The following RAI14 variants were observed in gnomAD, a reference collection of about 807,000 sequenced individuals.
The protein encoded by RAI14 is ankycorbin.
RAI14 carries 45 observed loss-of-function variants against 115.4 expected under a neutral mutation model. The ratio of observed to expected loss-of-function variants is 0.39; its 90% CI spans 0.31 to 0.50. The LOEUF (loss-of-function observed/expected upper bound fraction) is 0.50. Among genes scored for constraint, RAI14 ranks in the 20% least tolerant of loss-of-function variants. RAI14 has a pLI of 0.85. For missense variants in RAI14, 939 were observed against 1,131.2 expected (o/e 0.83, Z 2.44); for synonymous variants, 371 against 415.4 (o/e 0.89, Z 1.30).
At chr5:34,824,623 T>A in intron 15 of RAI14, 132 bp downstream of exon 15, 1 of 741,052 alleles carries the variant, frequency 1.3e-6, no homozygotes, top group Non-Finnish European at 2.0e-6. Context: ...ATGAACTTTA[T>A]CTGTCACCAA....
chr5:34,790,749 T>A (rs1290108910), intron 3 of RAI14, among the ~76,000 whole-genome samples: 1 of 142,252 alleles, frequency 7.0e-6, no homozygotes, highest in South Asian at 2.1e-4. Context: ...TATATGGGTG[T>A]GTGTGTGTGT....
At position 34,830,911 on chromosome 5, in the gene RAI14, T is replaced by C. The variant is rs1343710713; in HGVS notation, c.*146T>C. ...TCCCTTTCCAAAGGTTTCTGAGGAC[T>C]TCTCCCAGGAGAAGACTGCCCGCCT... On this transcript the variant is annotated 3_prime_UTR_variant, in exon 18 of 18. Transcript: ENST00000265109. 2 of 1,424,090 alleles carry C rather than the reference T, an allele frequency of 1.4e-6. No individual in the cohort carries two copies. Among genetic ancestry groups the C allele is most frequent in the African/African-American group, 1.4e-5 (1 of 69,602 alleles). 88.2% of individuals were successfully genotyped at this position (1,424,090 alleles called of 1,614,324 possible).
chr5:34,738,389 A>G (rs189799682), intron 2 of RAI14, among the ~76,000 whole-genome samples: 1 of 152,346 alleles, frequency 6.6e-6, no homozygotes, highest in East Asian at 1.9e-4. Context: ...CTGTCACCCA[A>G]GGAATATGTG....
At chr5:34,803,423 T>C (rs338269) in intron 4 of RAI14, among the ~76,000 whole-genome samples, 138,156 of 152,110 alleles carry the variant, frequency 0.91, 63,521 homozygotes, top group Non-Finnish European at 0.99. Context: ...TGTCATGCTA[T>C]TTGGGAGGCT....
At chr5:34,805,357 T>A (rs1202248668) in intron 5 of RAI14, among the ~76,000 whole-genome samples, 2 of 152,158 alleles carry the variant, frequency 1.3e-5, no homozygotes, top group African/African-American at 4.8e-5. Flanking sequence ...CTCTGTGCTG[T>A]GATCCCCATT....
At chr5:34,786,233 C>A (rs965667249) in intron 3 of RAI14, among the ~76,000 whole-genome samples, 17 of 152,154 alleles carry the variant, frequency 1.1e-4, no homozygotes, top group African/African-American at 4.1e-4. Context: ...GGGGGTGTAT[C>A]CTAACAGGGA....
chr5:34,749,528 T>G (rs1746721047), intron 2 of RAI14, among the ~76,000 whole-genome samples: 1 of 152,208 alleles, frequency 6.6e-6, no homozygotes, highest in African/African-American at 2.4e-5. Flanking sequence ...ATCCCCAGCG[T>G]TCATCACCCG....
intron 1 of RAI14, among the ~76,000 whole-genome samples, chr5:34,662,827 C>T (rs1742803471): frequency 7.1e-6 from 1 of 141,470 alleles, no homozygotes; most frequent in African/African-American, 2.6e-5. Context: ...CTCTCAAGTT[C>T]AATCAATTCT....
chr5:34,729,548 A>G (rs887538444), intron 2 of RAI14, among the ~76,000 whole-genome samples: 10 of 152,228 alleles, frequency 6.6e-5, no homozygotes, highest in East Asian at 3.8e-4. Context: ...GCTACCTTCT[A>G]TGAAGTATTT....
At chr5:34,673,492 C>G (rs1347994679) in intron 1 of RAI14, among the ~76,000 whole-genome samples, 1 of 152,180 alleles carries the variant, frequency 6.6e-6, no homozygotes, top group Non-Finnish European at 1.5e-5. Context: ...CTGAGCAGAC[C>G]GAAATGCAAC....
At position 34,824,166 on chromosome 5, in the gene RAI14, A is replaced by T. The variant is rs752004465; in HGVS notation, c.2324A>T (p.Glu775Val). Reference sequence around the variant, plus strand: ...AAGCTGGAGAAACAACTCTTAGAAGAGAAAGCTGCTATGACTGATGCAATG... The same window carrying T: ...AAGCTGGAGAAACAACTCTTAGAAGTGAAAGCTGCTATGACTGATGCAATG... ...VAKLEKQLLEEKAAMTDAMVP... is the reference protein window; with the variant it reads ...VAKLEKQLLEVKAAMTDAMVP... The change falls in exon 15 of 18, where the codon GAG becomes GTG. Residue 775 changes from glutamate (E) to valine (V), a missense_variant. By Grantham distance (121) the Glu-to-Val change is moderately radical. Coordinates refer to ENST00000265109, the MANE Select transcript of RAI14 (RefSeq NM_015577.3). 58 of 1,613,916 alleles carry T rather than the reference A, an allele frequency of 3.6e-5. 1 individual carries two copies. The South Asian group carries it at 6.3e-4, about 17-fold the overall frequency.
rs1201503700 is a variant in RAI14, at chr5:34,772,920, G to C, written c.167+15322G>C. On this transcript the variant is annotated intron_variant, in intron 3 of 17. Coordinates refer to ENST00000265109, the MANE Select transcript of RAI14 (RefSeq NM_015577.3). The stretch of plus-strand genomic sequence containing the variant: ...GTAGGGACATTCCAAATATCAATAA[G>C]CAGCAAAGGGATCAAAGTCATTTTG... Among the ~76,000 whole-genome samples, 10 of 152,168 alleles carry C rather than the reference G, an allele frequency of 6.6e-5. 1 individual carries two copies. The highest frequency in any genetic ancestry group is 3.3e-4 in the Admixed American group (5 of 15,274).
At position 34,802,074 on chromosome 5, in the gene RAI14, C is replaced by T. The variant is rs532665603; in HGVS notation, c.257-1638C>T. Among the ~76,000 whole-genome samples, 9 of 152,230 alleles carry T rather than the reference C, an allele frequency of 5.9e-5. No individual in the cohort carries two copies. The East Asian group carries it at 7.7e-4, about 13-fold the overall frequency. ...AAAAAAAAGAAAAGAAATTGTTCCT[C>T]GAAGTCAGTGGTTCTGATGAACTGG... On this transcript the variant is annotated intron_variant, in intron 4 of 17. Coordinates refer to ENST00000265109, the MANE Select transcript of RAI14 (RefSeq NM_015577.3).
intron 1 of RAI14, among the ~76,000 whole-genome samples, chr5:34,660,428 C>T (rs946110701): frequency 6.6e-6 from 1 of 152,150 alleles, no homozygotes; most frequent in African/African-American, 2.4e-5. Flanking sequence ...AAGAGTGAAA[C>T]TCCAACTCAA....
At chr5:34,687,456 G>C in intron 2 of RAI14, 1 of 892,480 alleles carries the variant, frequency 1.1e-6, no homozygotes, top group Non-Finnish European at 1.5e-6. Context: ...GAATTCCAGG[G>C]ACTCGTACTC....
intron 2 of RAI14, among the ~76,000 whole-genome samples, chr5:34,715,496 T>C (rs1741879864): frequency 6.6e-6 from 1 of 152,174 alleles, no homozygotes; most frequent in Non-Finnish European, 1.5e-5. Flanking sequence ...CCTGGAATTT[T>C]CTGTTCTCCT....
At chr5:34,797,148 G>A (rs1753636385) in intron 4 of RAI14, among the ~76,000 whole-genome samples, 1 of 152,084 alleles carries the variant, frequency 6.6e-6, no homozygotes, top group African/African-American at 2.4e-5. Flanking sequence ...GATTGTACTC[G>A]AGAATTTTTG....
chr5:34,808,510 C>G, intron 6 of RAI14, 74 bp from the exon 7 acceptor site: 1 of 1,340,796 alleles, frequency 7.5e-7, no homozygotes, highest in African/African-American at 1.4e-5. Flanking sequence ...ACATTTCCTT[C>G]CTGAAGTATC....
chr5:34,722,736 C>A (rs1040298055), intron 2 of RAI14, among the ~76,000 whole-genome samples: 2 of 151,024 alleles, frequency 1.3e-5, no homozygotes, highest in Admixed American at 6.6e-5. Context: ...ATTCCAGCTA[C>A]TTGGGGGGCT....
Sources: gnomAD v4.1 joint callset for allele counts (sites outside exome capture counted in the v4.1 genomes callset) on GRCh38, gnomAD v4.1.1 for gene constraint, MANE v1.5 for transcripts, NCBI Gene and HGNC (gene_info 2026-07-23, HGNC 2026-07-21) for gene names.